SLC39A11: variants seen among roughly 807,000 people sequenced by gnomAD.
SLC39A11 encodes solute carrier family 39 member 11.
A neutral mutation model predicts 36.1 loss-of-function variants in SLC39A11; 33 were observed. The observed-to-expected ratio is 0.91, with a 90% confidence interval of 0.69 to 1.22. The LOEUF is 1.22. Ranked by LOEUF, SLC39A11 falls within the 50% of genes most tolerant of loss-of-function variation. The pLI is 0.00. For missense variants in SLC39A11, 432 were observed against 430.3 expected, an observed-to-expected ratio of 1.00 and a Z score of -0.03; for synonymous variants, 166 against 170.3, an observed-to-expected ratio of 0.97 and a Z score of 0.20.
intron 6 of SLC39A11, among the ~76,000 whole-genome samples, chr17:72,774,922 C>T (rs2076081314): frequency 6.6e-6 from 1 of 151,954 alleles, no homozygotes; most frequent in African/African-American, 2.4e-5. Context: ...TTCTCCTTGG[C>T]TTCATCTTCT....
At chr17:72,682,634 G>A (rs1279618377) in intron 7 of SLC39A11, among the ~76,000 whole-genome samples, 2 of 152,142 alleles carry the variant, frequency 1.3e-5, no homozygotes, top group African/African-American at 4.8e-5. Context: ...GCTGGACTAT[G>A]AGAAACTCAC....
chr17:72,915,079 T>C (rs886373800), intron 5 of SLC39A11, among the ~76,000 whole-genome samples: 4 of 152,152 alleles, frequency 2.6e-5, no homozygotes, highest in African/African-American at 9.7e-5. Context: ...GGTATCTCAG[T>C]TGTACCCAAC....
intron 7 of SLC39A11, among the ~76,000 whole-genome samples, chr17:72,716,968 C>CAAAAA (rs761854832): frequency 7.7e-5 from 7 of 90,486 alleles, no homozygotes; most frequent in African/African-American, 4.0e-4. Context: ...GACCCTGTCT[C>CAAAAA]AAAAAAAAAA....
At chr17:73,067,722 G>A (rs1323497384) in intron 3 of SLC39A11, 3 of 700,666 alleles carry the variant, frequency 4.3e-6, no homozygotes, top group Non-Finnish European at 7.4e-6. Flanking sequence ...TCATGCTATG[G>A]ATGTTTTCTT....
chr17:72,676,951 G>A (rs1048402280), intron 7 of SLC39A11, among the ~76,000 whole-genome samples: 2 of 152,304 alleles, frequency 1.3e-5, no homozygotes, highest in African/African-American at 4.8e-5. Context: ...AACTTGTGCT[G>A]GTGGTTTCCG....
intron 3 of SLC39A11, among the ~76,000 whole-genome samples, chr17:73,079,025 T>C (rs1181381593): frequency 6.6e-6 from 1 of 152,148 alleles, no homozygotes; most frequent in East Asian, 1.9e-4. Flanking sequence ...CTGCTTGACT[T>C]GTATTTCAAT....
intron 5 of SLC39A11, among the ~76,000 whole-genome samples, chr17:72,914,541 G>C (rs1167865131): frequency 6.6e-6 from 1 of 151,996 alleles, no homozygotes; most frequent in Non-Finnish European, 1.5e-5. Flanking sequence ...GGTATCCACA[G>C]GGTCCTGGAA....
intron 5 of SLC39A11, among the ~76,000 whole-genome samples, chr17:72,944,442 A>C (rs531975824): frequency 2.4e-4 from 37 of 152,336 alleles, no homozygotes; most frequent in South Asian, 8.3e-4. Flanking sequence ...GGGACAACTG[A>C]GACAGAGAAG....
intron 6 of SLC39A11, among the ~76,000 whole-genome samples, chr17:72,790,785 G>A (rs775633583): frequency 2.0e-5 from 3 of 151,946 alleles, no homozygotes; most frequent in African/African-American, 4.8e-5. Flanking sequence ...CGCCTGCCTC[G>A]GCCTCCCAAA....
rs1358588819 is a variant in SLC39A11, at chr17:72,734,784, G to T, written c.671+1866C>A. Among the ~76,000 whole-genome samples, 4 of 152,276 alleles carry T rather than the reference G, an allele frequency of 2.6e-5. No homozygotes were observed. The East Asian group carries it at 5.8e-4, about 22-fold the overall frequency. On this transcript the variant is annotated intron_variant, in intron 7 of 9. Coordinates refer to ENST00000255559, the MANE Select transcript of SLC39A11 (RefSeq NM_139177.4). ...CCTGGGGCACAGCTGTCACTTGCTG[G>T]GCACAGACCTCTGCAGCGTGTGCGG...
intron 7 of SLC39A11, among the ~76,000 whole-genome samples, chr17:72,681,720 C>T (rs1414653272): frequency 6.6e-6 from 1 of 152,206 alleles, no homozygotes; most frequent in African/African-American, 2.4e-5. Context: ...CCAGAGACAG[C>T]CAGACCAATA....
chr17:72,941,722 T>C (rs1306896887), intron 5 of SLC39A11, among the ~76,000 whole-genome samples: 1 of 152,152 alleles, frequency 6.6e-6, no homozygotes, highest in East Asian at 1.9e-4. Flanking sequence ...CCTGCACAGA[T>C]CCCTGTCCAA....
At chr17:73,014,641 A>C (rs1038020713) in intron 4 of SLC39A11, among the ~76,000 whole-genome samples, 4 of 152,230 alleles carry the variant, frequency 2.6e-5, no homozygotes, top group Non-Finnish European at 5.9e-5. Flanking sequence ...TGGGTGACAG[A>C]GCGAAACCCT....
intron 3 of SLC39A11, among the ~76,000 whole-genome samples, chr17:73,078,752 C>T (rs528253117): frequency 1.3e-5 from 2 of 152,240 alleles, no homozygotes; most frequent in African/African-American, 4.8e-5. Context: ...TTGCCTCAGC[C>T]TCCCAAAGTG....
chr17:73,005,844 G>A lies in SLC39A11; in HGVS notation c.306+25712C>T, dbSNP rs760848479. On this transcript the variant is annotated intron_variant, in intron 4 of 9. Transcript: ENST00000255559. ...CGCAGGTCTGTAGTCCCAGCTACTCGGGAGTCTAAGGCAAGGGAATCGCTT... is the reference window on the plus strand; with the variant it reads ...CGCAGGTCTGTAGTCCCAGCTACTCAGGAGTCTAAGGCAAGGGAATCGCTT... Among the ~76,000 whole-genome samples the A allele has an allele frequency of 1.5e-3, 223 of 152,140 alleles. 1 individual carries two copies. Among genetic ancestry groups the A allele is most frequent in the African/African-American group, 3.3e-3 (137 of 41,510 alleles).
intron 4 of SLC39A11, among the ~76,000 whole-genome samples, chr17:73,028,310 C>T (rs980554030): frequency 3.3e-5 from 5 of 152,124 alleles, no homozygotes; most frequent in African/African-American, 4.8e-5. Context: ...CCAACCGCAA[C>T]GACTCAAGAT....
At chr17:73,023,441 G>T (rs1203981347) in intron 4 of SLC39A11, among the ~76,000 whole-genome samples, 1 of 152,118 alleles carries the variant, frequency 6.6e-6, no homozygotes, top group African/African-American at 2.4e-5. Flanking sequence ...TTGAGCCCAA[G>T]AGTTGAAAAG....
chr17:73,054,152 C>T (rs975422944), intron 3 of SLC39A11, among the ~76,000 whole-genome samples: 1 of 152,072 alleles, frequency 6.6e-6, no homozygotes, highest in African/African-American at 2.4e-5. Context: ...ACCACACAGT[C>T]CGGAGTTCGA....
At chr17:72,974,628 G>A (rs2087714735) in intron 4 of SLC39A11, among the ~76,000 whole-genome samples, 1 of 152,110 alleles carries the variant, frequency 6.6e-6, no homozygotes, top group Non-Finnish European at 1.5e-5. Context: ...GTAAGTTAAG[G>A]CCAATGTATT....
Sources: gnomAD v4.1 joint callset for allele counts (sites outside exome capture counted in the v4.1 genomes callset) on GRCh38, gnomAD v4.1.1 for gene constraint, MANE v1.5 for transcripts, NCBI Gene and HGNC (gene_info 2026-07-23, HGNC 2026-07-21) for gene names.